The following CTNNA2 variants were observed in gnomAD, a reference collection of about 807,000 sequenced individuals.
CTNNA2 encodes the protein catenin alpha 2, also known as catenin alpha-2.
In CTNNA2, 42 loss-of-function variants were observed where a neutral mutation model predicts 101.0. That is an observed-to-expected ratio of 0.42 (90% confidence interval 0.32 to 0.54). The LOEUF is 0.54. Ranked by LOEUF, CTNNA2 falls within the 20% of genes least tolerant of loss-of-function variation. The probability of loss-of-function intolerance (pLI) is 0.14; values close to 1 mark genes in which losing one functional copy is unlikely to be tolerated. For synonymous variants in CTNNA2, 450 were observed against 456.4 expected, an observed-to-expected ratio of 0.99 and a Z score of 0.18; for missense variants, 871 against 1,223.1, an observed-to-expected ratio of 0.71 and a Z score of 4.29.
chr2:79,802,233 A>G (rs1676222534), intron 3 of CTNNA2, among the ~76,000 whole-genome samples: 1 of 152,168 alleles, frequency 6.6e-6, no homozygotes, highest in South Asian at 2.1e-4. Flanking sequence ...CTCCTGAAAC[A>G]ATAGAGGGAT....
intron 7 of CTNNA2, among the ~76,000 whole-genome samples, chr2:80,239,029 A>G (rs1217531190): frequency 6.6e-6 from 1 of 152,246 alleles, no homozygotes; most frequent in Non-Finnish European, 1.5e-5. Context: ...CCTGAAGACA[A>G]CATAATTTTT....
At chr2:80,486,005 T>A (rs975419601) in intron 9 of CTNNA2, among the ~76,000 whole-genome samples, 4 of 152,198 alleles carry the variant, frequency 2.6e-5, no homozygotes, top group Non-Finnish European at 5.9e-5. Flanking sequence ...TTGGTTCCAT[T>A]CTTTTTCCAG....
chr2:79,294,267 T>A (rs1458738949), intron 2 of CTNNA2, among the ~76,000 whole-genome samples: 6 of 150,022 alleles, frequency 4.0e-5, no homozygotes. Context: ...GAGGAGAAGT[T>A]GGAGGAGGAG....
At chr2:80,102,074 G>A (rs1345791806) in intron 7 of CTNNA2, among the ~76,000 whole-genome samples, 1 of 152,182 alleles carries the variant, frequency 6.6e-6, no homozygotes, top group African/African-American at 2.4e-5. Context: ...CACCATGTGT[G>A]TGTGGCTTTG....
chr2:80,227,303 A>G (rs1295804076), intron 7 of CTNNA2, among the ~76,000 whole-genome samples: 4 of 152,174 alleles, frequency 2.6e-5, no homozygotes, highest in African/African-American at 7.2e-5. Context: ...ACCAAGTGTC[A>G]GGTGCTGAAT....
chr2:79,268,818 CTG>C (rs1200933568), intron 2 of CTNNA2, among the ~76,000 whole-genome samples: 2 of 152,192 alleles, frequency 1.3e-5, no homozygotes, highest in African/African-American at 4.8e-5. Flanking sequence ...AGAGGAGAAA[CTG>C]TTTTTTCTAC....
intron 12 of CTNNA2, among the ~76,000 whole-genome samples, chr2:80,560,483 T>C (rs1197524525): frequency 6.6e-6 from 1 of 152,158 alleles, no homozygotes; most frequent in Non-Finnish European, 1.5e-5. Context: ...CATTCAAGAA[T>C]GGGTCGGTAT....
intron 7 of CTNNA2, among the ~76,000 whole-genome samples, chr2:80,112,727 A>G (rs1398192271): frequency 6.6e-6 from 1 of 152,170 alleles, no homozygotes; most frequent in Non-Finnish European, 1.5e-5. Flanking sequence ...TCTCTTTGCC[A>G]CCTACCTGCA....
chr2:79,565,888 A>G (rs1383231370), intron 1 of CTNNA2, among the ~76,000 whole-genome samples: 1 of 152,060 alleles, frequency 6.6e-6, no homozygotes, highest in East Asian at 1.9e-4. Flanking sequence ...GACCATAGTA[A>G]AAGAGATTTT....
chr2:80,240,505 G>A (rs564108030), intron 7 of CTNNA2, among the ~76,000 whole-genome samples: 1 of 152,110 alleles, frequency 6.6e-6, no homozygotes, highest in Admixed American at 6.5e-5. Context: ...ATTATCTCTC[G>A]AGTATAGCCC....
intron 7 of CTNNA2, among the ~76,000 whole-genome samples, chr2:80,324,724 A>T: frequency 6.7e-6 from 1 of 149,432 alleles, no homozygotes. Flanking sequence ...GACCTTGACC[A>T]CCTCCCTCCC....
Position 79,271,357 on chromosome 2 carries a change from A to G in CTNNA2, c.-405-41352A>G, listed in dbSNP as rs149709224. Among the ~76,000 whole-genome samples the G allele has an allele frequency of 2.6e-4, 40 of 152,090 alleles. No individual in the cohort carries two copies. The East Asian group carries it at 6.6e-3, about 25-fold the overall frequency. ...CTGTAATGCACACGTGGGTCACTAA[A>G]CCCAGATAAAATAGCTTTTGTGACA... is the stretch of plus-strand genomic sequence containing the variant. On this transcript the variant is annotated intron_variant, in intron 2 of 21. Transcript: ENST00000466387.
chr2:79,872,224 T>C (rs1682640962), intron 5 of CTNNA2, among the ~76,000 whole-genome samples: 2 of 152,298 alleles, frequency 1.3e-5, no homozygotes, highest in Admixed American at 1.3e-4. Flanking sequence ...CCAATATGAA[T>C]GTTTCAGTAG....
intron 12 of CTNNA2, among the ~76,000 whole-genome samples, chr2:80,570,016 G>A (rs901036421): frequency 2.0e-5 from 3 of 151,714 alleles, no homozygotes; most frequent in Non-Finnish European, 2.9e-5. Context: ...GTCAAGATGG[G>A]TCATTGTTCT....
intron 7 of CTNNA2, among the ~76,000 whole-genome samples, chr2:79,941,014 CAGAAGCCACA>C (rs1430804973): frequency 6.6e-6 from 1 of 152,156 alleles, no homozygotes; most frequent in East Asian, 1.9e-4. Flanking sequence ...GCATGAATTT[CAGAAGCCACA>C]AGAAGCCTAC....
At chr2:79,365,441 A>C (rs1395954092) in intron 3 of CTNNA2, among the ~76,000 whole-genome samples, 2 of 151,826 alleles carry the variant, frequency 1.3e-5, no homozygotes, top group Non-Finnish European at 2.9e-5. Context: ...AAAGCAACAT[A>C]GTGGGAACTC....
At chr2:80,419,388 A>T in intron 8 of CTNNA2, 61 bp from the exon 9 acceptor site, 3 of 1,389,012 alleles carry the variant, frequency 2.2e-6, no homozygotes, top group Non-Finnish European at 3.0e-6. Context: ...TTTAGAAAAA[A>T]AATGGGCAAT....
At chr2:79,329,625 C>T (rs76145632) in intron 3 of CTNNA2, among the ~76,000 whole-genome samples, 11,794 of 152,124 alleles carry the variant, frequency 0.078, 535 homozygotes, top group East Asian at 0.2. Flanking sequence ...CCCCAAGATT[C>T]TGGATCTCTG....
chr2:79,789,570 G>C (rs1239200075), intron 3 of CTNNA2, among the ~76,000 whole-genome samples: 3 of 152,102 alleles, frequency 2.0e-5, no homozygotes, highest in Non-Finnish European at 4.4e-5. Context: ...CTGGGGAGAG[G>C]TGAGGAAGCC....
Sources: allele counts gnomAD v4.1 joint callset (sites outside exome capture counted in the v4.1 genomes callset), GRCh38; gene constraint gnomAD v4.1.1; transcripts MANE v1.5; gene names NCBI Gene and HGNC (gene_info 2026-07-23, HGNC 2026-07-21).